Variants in THRB observed in about 807,000 individuals in gnomAD.
THRB encodes thyroid hormone receptor beta.
In THRB, 12 loss-of-function variants were observed where a neutral mutation model predicts 47.8. That is an observed-to-expected ratio of 0.25 (90% CI 0.16 to 0.41). The LOEUF is 0.41. Ranked by LOEUF, THRB falls within the 10% of genes least tolerant of loss-of-function variation. THRB has a pLI of 1.00. For missense variants in THRB, 348 were observed against 589.2 expected, an observed-to-expected ratio of 0.59 and a Z score of 4.24; for synonymous variants, 218 against 212.2, an observed-to-expected ratio of 1.03 and a Z score of -0.24.
intron 4 of THRB, among the ~76,000 whole-genome samples, chr3:24,227,265 CTG>C (rs937255785): frequency 1.2e-4 from 19 of 152,202 alleles, no homozygotes; most frequent in Non-Finnish European, 2.4e-4. Context: ...TGTCTGGTAT[CTG>C]TGTGCTCACA....
intron 3 of THRB, among the ~76,000 whole-genome samples, chr3:24,273,712 T>C (rs2053587313): frequency 6.6e-6 from 1 of 152,188 alleles, no homozygotes; most frequent in Non-Finnish European, 1.5e-5. Flanking sequence ...TATTCATGTG[T>C]TTGCAATGGG....
intron 8 of THRB, among the ~76,000 whole-genome samples, chr3:24,142,109 G>C (rs955489193): frequency 1.3e-5 from 2 of 152,186 alleles, no homozygotes; most frequent in Admixed American, 1.3e-4. Flanking sequence ...GTAGTGGATA[G>C]AGACATAAAT....
chr3:24,320,536 A>G (rs961186557), intron 2 of THRB, among the ~76,000 whole-genome samples: 28 of 152,130 alleles, frequency 1.8e-4, no homozygotes, highest in African/African-American at 6.8e-4. Flanking sequence ...CATGTTTCTG[A>G]GTTGAGAACC....
chr3:24,317,063 C>T (rs1027380723), intron 2 of THRB, among the ~76,000 whole-genome samples: 1 of 152,208 alleles, frequency 6.6e-6, no homozygotes, highest in Non-Finnish European at 1.5e-5. Context: ...CTGACTCACC[C>T]ACCAGGCAGT....
At chr3:24,238,298 G>GTAT (rs2049117840) in intron 3 of THRB, among the ~76,000 whole-genome samples, 8 of 114,248 alleles carry the variant, frequency 7.0e-5, no homozygotes, top group African/African-American at 2.2e-4. Flanking sequence ...GGGGGTGTGT[G>GTAT]GGGTGTGTGT....
intron 2 of THRB, among the ~76,000 whole-genome samples, chr3:24,307,225 G>C (rs1449539198): frequency 6.7e-6 from 1 of 149,734 alleles, no homozygotes; most frequent in Non-Finnish European, 1.5e-5. Flanking sequence ...TTACTGAAGA[G>C]AAATAACATG....
In THRB at chr3:24,421,776, G is replaced by A. The variant is rs560222956; in HGVS notation, c.-261+72876C>T. On this transcript the variant is annotated intron_variant, in intron 1 of 10. Coordinates refer to ENST00000646209, the MANE Select transcript of THRB (RefSeq NM_001354712.2). ...GATGCTATTAATGAAATTAATGGAAGTAAAATATCTGTAGCTTGTAGTGGC... is the reference window on the plus strand; with the variant it reads ...GATGCTATTAATGAAATTAATGGAAATAAAATATCTGTAGCTTGTAGTGGC... Among the ~76,000 whole-genome samples the A allele has an allele frequency of 9.9e-5, 15 of 152,020 alleles. No homozygotes were observed. The South Asian group carries it at 3.1e-3, about 32-fold the overall frequency.
chr3:24,368,780 T>C (rs2064684524), intron 1 of THRB, among the ~76,000 whole-genome samples: 1 of 152,186 alleles, frequency 6.6e-6, no homozygotes, highest in Non-Finnish European at 1.5e-5. Flanking sequence ...ACTTCCAATG[T>C]CCAAGCACTT....
At chr3:24,462,606 A>G (rs1419400745) in intron 1 of THRB, among the ~76,000 whole-genome samples, 1 of 152,246 alleles carries the variant, frequency 6.6e-6, no homozygotes, top group Non-Finnish European at 1.5e-5. Context: ...ACAGAACAAA[A>G]CATGTTTTAA....
chr3:24,340,499 T>G (rs557827514), intron 1 of THRB, among the ~76,000 whole-genome samples: 6 of 150,206 alleles, frequency 4.0e-5, no homozygotes, highest in African/African-American at 1.5e-4. Flanking sequence ...TTTTTTTTTG[T>G]AAAGTGCTTA....
chr3:24,404,077 CCA>C (rs2067633683), intron 1 of THRB, among the ~76,000 whole-genome samples: 1 of 151,746 alleles, frequency 6.6e-6, no homozygotes, highest in Non-Finnish European at 1.5e-5. Context: ...TGATAGATTC[CCA>C]TAGTTAAAGA....
intron 2 of THRB, among the ~76,000 whole-genome samples, chr3:24,301,189 C>A (rs1445221042): frequency 4.6e-5 from 7 of 152,164 alleles, no homozygotes; most frequent in Admixed American, 6.5e-5. Context: ...CCTGTCAACA[C>A]CTTGATTTCA....
At chr3:24,364,694 G>C (rs1210444392) in intron 1 of THRB, among the ~76,000 whole-genome samples, 1 of 152,046 alleles carries the variant, frequency 6.6e-6, no homozygotes, top group Non-Finnish European at 1.5e-5. Flanking sequence ...CTGTTCTCTA[G>C]GGAAAGGGCT....
Position 24,407,323 on chromosome 3 carries a change from G to A in THRB, c.-260-69952C>T, listed in dbSNP as rs9859528. On this transcript the variant is annotated intron_variant, in intron 1 of 10. Coordinates refer to ENST00000646209, the MANE Select transcript of THRB (RefSeq NM_001354712.2). The stretch of plus-strand genomic sequence containing the variant: ...GATCCTGGGAAAGGTTGTGGGAGGT[G>A]CCTAGATCCACAGATTGCAAACATT... Among the ~76,000 whole-genome samples the A allele has an allele frequency of 6.3e-3, 925 of 146,192 alleles. 10 individuals are homozygous for A. Among genetic ancestry groups the A allele is most frequent in the African/African-American group, 0.022 (861 of 38,946 alleles).
At chr3:24,231,203 A>G (rs1271096124) in intron 3 of THRB, among the ~76,000 whole-genome samples, 3 of 152,230 alleles carry the variant, frequency 2.0e-5, no homozygotes, top group African/African-American at 7.2e-5. Context: ...AAAATACAAC[A>G]TTAATACAAA....
intron 3 of THRB, among the ~76,000 whole-genome samples, 192 bp from the exon 4 acceptor site, chr3:24,229,193 C>G (rs904553228): frequency 6.6e-6 from 1 of 152,176 alleles, no homozygotes; most frequent in African/African-American, 2.4e-5. Flanking sequence ...TAATTTTCAT[C>G]TCAGGGTTCC....
Position 24,345,431 on chromosome 3 carries a change from T to C in THRB, c.-260-8060A>G, listed in dbSNP as rs558582035. ...CAAGAACAAGCTTTATAATGGTTCT[T>C]TTGATTGAGTGGACACAATTAGAAC... On this transcript the variant is annotated intron_variant, in intron 1 of 10. Coordinates refer to ENST00000646209, the MANE Select transcript of THRB (RefSeq NM_001354712.2). 3.9e-5 allele frequency among the ~76,000 whole-genome samples: 6 copies of C among 152,218 alleles called. No homozygotes were observed. The East Asian group carries it at 1.2e-3, about 29-fold the overall frequency.
In THRB at chr3:24,152,379, AG is replaced by A. The variant is rs757195027; in HGVS notation, c.384+10del. Reference sequence around the variant, plus strand: ...GGCTAAGCTCTGTGCTTGTGGACCCAGGGCAATTACCTTGCAGCCTTCACAC... The same window carrying A: ...GGCTAAGCTCTGTGCTTGTGGACCCAGGCAATTACCTTGCAGCCTTCACAC... On this transcript the variant is annotated intron_variant, in intron 6 of 10. Coordinates refer to ENST00000646209, the MANE Select transcript of THRB (RefSeq NM_001354712.2). 7.7e-6 allele frequency: 12 copies of A among 1,566,004 alleles called. No homozygotes were observed. The highest frequency in any genetic ancestry group is 9.7e-6 in the Non-Finnish European group (11 of 1,136,424).
In THRB at chr3:24,181,205, A is replaced by T. The variant is rs144715355; in HGVS notation, c.283+8869T>A. On this transcript the variant is annotated intron_variant, in intron 5 of 10. Coordinates refer to ENST00000646209, the MANE Select transcript of THRB (RefSeq NM_001354712.2). ...TCATAGCTTGTTTTAGGGGGCTGGT[A>T]ATGATTTAATATATTTTTCCTTGTC... is the stretch of plus-strand genomic sequence containing the variant. Among the ~76,000 whole-genome samples, 24 of 152,338 alleles carry T rather than the reference A, an allele frequency of 1.6e-4. No homozygotes were observed. The East Asian group carries it at 4.4e-3, about 28-fold the overall frequency.
Sources: allele counts gnomAD v4.1 joint callset (sites outside exome capture counted in the v4.1 genomes callset), GRCh38; gene constraint gnomAD v4.1.1; transcripts MANE v1.5; gene names NCBI Gene and HGNC (gene_info 2026-07-23, HGNC 2026-07-21).